The following PSAT1 variants were observed in gnomAD, a reference collection of about 807,000 sequenced individuals.
PSAT1 encodes the protein phosphoserine aminotransferase.
PSAT1 carries 41 observed loss-of-function variants against 40.3 expected under a neutral mutation model. That is an observed-to-expected ratio of 1.02 (90% confidence interval 0.79 to 1.32). PSAT1 has a LOEUF of 1.32. PSAT1 is among the 40% of genes most tolerant of loss of function. PSAT1 has a pLI of 0.00. For missense variants in PSAT1, 406 were observed against 455.8 expected (o/e 0.89, Z 0.99); for synonymous variants, 147 against 170.5 (o/e 0.86, Z 1.07).
At chr9:78,299,038 G>T (rs7864810) in intron 1 of PSAT1, among the ~76,000 whole-genome samples, 2 of 151,174 alleles carry the variant, frequency 1.3e-5, no homozygotes, top group African/African-American at 4.9e-5. Context: ...AACTCAGGAG[G>T]CTAAGGTGGG....
intron 8 of PSAT1, 67 bp downstream of exon 8, chr9:78,328,255 C>A: frequency 6.3e-7 from 1 of 1,594,874 alleles, no homozygotes; most frequent in Admixed American, 1.7e-5. Flanking sequence ...CAGAATAAAA[C>A]AAATCTATAG....
At chr9:78,300,865 A>G (rs1354438573) in intron 2 of PSAT1, among the ~76,000 whole-genome samples, 1 of 151,948 alleles carries the variant, frequency 6.6e-6, no homozygotes, top group Non-Finnish European at 1.5e-5. Flanking sequence ...ATAGGTACAC[A>G]TCACCACACC....
chr9:78,317,791 C>G lies in PSAT1; in HGVS notation c.856C>G (p.Gln286Glu). The G allele has an allele frequency of 1.9e-6, 3 of 1,612,876 alleles. No individual in the cohort carries two copies. The highest frequency in any genetic ancestry group is 2.5e-6 in the Non-Finnish European group (3 of 1,179,860). ...QTIYEIIDNS[Q>E]GFYVCPVEPQ... Reference sequence around the variant, plus strand: ...AATTTATGAGATTATTGATAATTCTCAAGGATTCTACGTGTAAGTCAATGG... The same window carrying G: ...AATTTATGAGATTATTGATAATTCTGAAGGATTCTACGTGTAAGTCAATGG... Residue 286 changes from glutamine (Q) to glutamate (E), a missense_variant, in exon 7 of 9, where the codon CAA becomes GAA. By Grantham distance (29) the Gln-to-Glu change is conservative. Coordinates refer to ENST00000376588, the MANE Select transcript of PSAT1 (RefSeq NM_058179.4).
At position 78,328,671 on chromosome 9, in the gene PSAT1, T is replaced by A. The variant is rs185532828; in HGVS notation, c.1008-310T>A. ...GGCACTGTCACGACAGGCTCATGAA[T>A]GTTGAACAGAATCGCTATCTTCTTC... On this transcript the variant is annotated intron_variant, in intron 8 of 8. Coordinates refer to ENST00000376588, the MANE Select transcript of PSAT1 (RefSeq NM_058179.4). Among the ~76,000 whole-genome samples, 9 of 152,358 alleles carry A rather than the reference T, an allele frequency of 5.9e-5. No homozygotes were observed. In the East Asian group the frequency reaches 1.3e-3, roughly 23 times the overall value.
rs1828370437 is a variant in PSAT1, at chr9:78,317,782, G to A, written c.847G>A (p.Asp283Asn). 1 of 1,612,946 alleles carries A rather than the reference G, an allele frequency of 6.2e-7. No homozygotes were observed. The highest frequency in any genetic ancestry group is 1.1e-5 in the South Asian group (1 of 91,024). Residue 283 changes from aspartate to asparagine, a missense_variant, in exon 7 of 9, where the codon GAT becomes AAT. Transcript: ENST00000376588. ...ATCTCAAACAATTTATGAGATTATT[G>A]ATAATTCTCAAGGATTCTACGTGTA... ...IKSQTIYEII[D>N]NSQGFYVCPV...
intron 1 of PSAT1, among the ~76,000 whole-genome samples, chr9:78,299,144 C>CCAA (rs1177333395): frequency 3.4e-5 from 3 of 87,308 alleles, no homozygotes; most frequent in African/African-American, 1.4e-4. Flanking sequence ...TGTCTCTTAA[C>CCAA]AAAAAAAAAA....
At chr9:78,326,955 A>ATATTTTTTTTTTTTTTTT in intron 7 of PSAT1, among the ~76,000 whole-genome samples, 7 of 75,930 alleles carry the variant, frequency 9.2e-5, no homozygotes, top group African/African-American at 2.8e-4. Flanking sequence ...ATATATATAT[A>ATATTTTTTTTTTTTTTTT]TTTTTTTTTT....
chr9:78,302,267 A>G (rs927324825), intron 3 of PSAT1, among the ~76,000 whole-genome samples: 1 of 152,192 alleles, frequency 6.6e-6, no homozygotes, highest in Non-Finnish European at 1.5e-5. Context: ...CATTGTATCT[A>G]GGAATGATTT....
At position 78,329,460 on chromosome 9, in the gene PSAT1, G is replaced by A. The variant is rs1431864718; in HGVS notation, c.*374G>A. ...AACACACAGCACAGAGGGTAGGGGG[G>A]CCCTCTAGGTGCTGAATCTACACAT... On this transcript the variant is annotated 3_prime_UTR_variant, in exon 9 of 9. Transcript: ENST00000376588. 35 of 265,706 alleles carry A rather than the reference G, an allele frequency of 1.3e-4. No homozygotes were observed. Among genetic ancestry groups the A allele is most frequent in the South Asian group, 2.4e-4 (6 of 24,660 alleles). 16.5% of individuals were successfully genotyped at this position (265,706 alleles called of 1,614,324 possible). A position where few individuals can be genotyped will look rare whatever the true frequency, so the allele number is the denominator to read the frequency against.
At chr9:78,298,906 A>G (rs554208714) in intron 1 of PSAT1, among the ~76,000 whole-genome samples, 1 of 152,136 alleles carries the variant, frequency 6.6e-6, no homozygotes, top group Non-Finnish European at 1.5e-5. Context: ...TTATGAAATG[A>G]TGTGTAGCCT....
intron 6 of PSAT1, among the ~76,000 whole-genome samples, chr9:78,316,675 C>T (rs1258595292): frequency 6.6e-6 from 1 of 152,124 alleles, no homozygotes; most frequent in Non-Finnish European, 1.5e-5. Flanking sequence ...CAGGTGTCCA[C>T]CACAGGTAGG....
chr9:78,329,637 T>A lies in PSAT1; in HGVS notation c.*551T>A, dbSNP rs1828552291. The stretch of plus-strand genomic sequence containing the variant: ...GTGACATACTTTATATATGTTTATA[T>A]TAGCAAGGTCTGTTTTTAATACCAT... On this transcript the variant is annotated 3_prime_UTR_variant, in exon 9 of 9. Coordinates refer to ENST00000376588, the MANE Select transcript of PSAT1 (RefSeq NM_058179.4). 1 of 158,316 alleles carries A rather than the reference T, an allele frequency of 6.3e-6. No homozygotes were observed. Among genetic ancestry groups the A allele is most frequent in the South Asian group, 1.8e-4 (1 of 5,448 alleles). The allele number at this position is 158,316 out of a possible 1,614,324, so 9.8% of individuals were successfully genotyped here. A position where few individuals can be genotyped will look rare whatever the true frequency, so the allele number is the denominator to read the frequency against.
chr9:78,297,914 C>G lies in PSAT1; in HGVS notation c.60+644C>G, dbSNP rs77619137. ...TTGAAAACCTTCAGTCCAGCTTTCC[C>G]CTCCTTGTCCCCCATAGAACCTACC... On this transcript the variant is annotated intron_variant, in intron 1 of 8. Transcript: ENST00000376588. Among the ~76,000 whole-genome samples, 743 of 152,210 alleles carry G rather than the reference C, an allele frequency of 4.9e-3. 2 individuals are homozygous for G. Among genetic ancestry groups the G allele is most frequent in the African/African-American group, 0.017 (694 of 41,522 alleles).
chr9:78,303,349 T>C (rs1828135174), intron 3 of PSAT1, among the ~76,000 whole-genome samples: 2 of 152,200 alleles, frequency 1.3e-5, no homozygotes, highest in South Asian at 4.1e-4. Context: ...CTGAGTATCA[T>C]GTCACATTCA....
chr9:78,327,183 A>C (rs904037511), intron 7 of PSAT1, among the ~76,000 whole-genome samples: 1 of 151,010 alleles, frequency 6.6e-6, no homozygotes, highest in Non-Finnish European at 1.5e-5. Context: ...GGCTGATCTC[A>C]AACTCCTGAC....
chr9:78,313,902 C>T (rs1587641478), intron 6 of PSAT1, among the ~76,000 whole-genome samples: 1 of 152,186 alleles, frequency 6.6e-6, no homozygotes, highest in African/African-American at 2.4e-5. Context: ...CCACACTGGC[C>T]GTCCAAAGTG....
At chr9:78,315,934 C>T (rs916818771) in intron 6 of PSAT1, among the ~76,000 whole-genome samples, 2 of 152,226 alleles carry the variant, frequency 1.3e-5, no homozygotes, top group Non-Finnish European at 2.9e-5. Context: ...AATTTTTGCA[C>T]AATTCCCATA....
Position 78,328,618 on chromosome 9 carries a change from A to G in PSAT1, c.1008-363A>G, listed in dbSNP as rs1050425399. Reference sequence around the variant, plus strand: ...GAATAGCAGCAGGGAATGTCCTCACATGAGAATAGCCCAGCCCCGATCTTG... The same window carrying G: ...GAATAGCAGCAGGGAATGTCCTCACGTGAGAATAGCCCAGCCCCGATCTTG... On this transcript the variant is annotated intron_variant, in intron 8 of 8. Coordinates refer to ENST00000376588, the MANE Select transcript of PSAT1 (RefSeq NM_058179.4). 1.3e-4 allele frequency among the ~76,000 whole-genome samples: 7 copies of G among 54,938 alleles called. No individual in the cohort carries two copies. In the African/African-American group the frequency reaches 1.4e-3, roughly 11 times the overall value. 36.0% of individuals were successfully genotyped at this position (54,938 alleles called of 152,430 possible).
intron 2 of PSAT1, among the ~76,000 whole-genome samples, chr9:78,301,505 C>T (rs1828107560): frequency 6.6e-6 from 1 of 152,028 alleles, no homozygotes; most frequent in African/African-American, 2.4e-5. Flanking sequence ...ATTAAGAGAC[C>T]ATAGGGTTAA....
Sources: allele counts gnomAD v4.1 joint callset (sites outside exome capture counted in the v4.1 genomes callset), GRCh38; gene constraint gnomAD v4.1.1; transcripts MANE v1.5; gene names NCBI Gene and HGNC (gene_info 2026-07-23, HGNC 2026-07-21).